The following SOX5 variants were observed in gnomAD, a reference collection of about 807,000 sequenced individuals.
SOX5 encodes the protein SRY-box transcription factor 5.
SOX5 carries 9 observed loss-of-function variants against 92.0 expected under a neutral mutation model. The ratio of observed to expected loss-of-function variants is 0.10; its 90% CI spans 0.06 to 0.17. The LOEUF is 0.17. Among genes scored for constraint, SOX5 ranks in the 10% least tolerant of loss-of-function variants. The pLI, the probability that SOX5 is intolerant of heterozygous loss-of-function variation, is 1.00. For synonymous variants in SOX5, 344 were observed against 336.3 expected, an observed-to-expected ratio of 1.02 and a Z score of -0.25; for missense variants, 642 against 944.5, an observed-to-expected ratio of 0.68 and a Z score of 4.20.
chr12:23,838,178 ATATATT>A (rs1271255213), intron 3 of SOX5, among the ~76,000 whole-genome samples: 3 of 143,580 alleles, frequency 2.1e-5, no homozygotes, highest in East Asian at 4.0e-4. Context: ...TTTATATTAC[ATATATT>A]TATATTTATA....
chr12:24,242,251 G>A (rs987030337), intron 3 of SOX5, among the ~76,000 whole-genome samples: 2 of 152,098 alleles, frequency 1.3e-5, no homozygotes, highest in African/African-American at 4.8e-5. Context: ...ATATAGAAGT[G>A]GAGAAAAATG....
intron 13 of SOX5, among the ~76,000 whole-genome samples, chr12:23,537,977 A>G (rs1443420478): frequency 6.6e-6 from 1 of 151,248 alleles, no homozygotes; most frequent in Non-Finnish European, 1.5e-5. Context: ...TTAAAAATCT[A>G]TTTGCAGATG....
At chr12:24,314,948 T>G (rs1440185489) in intron 2 of SOX5, among the ~76,000 whole-genome samples, 1 of 152,272 alleles carries the variant, frequency 6.6e-6, no homozygotes, top group Non-Finnish European at 1.5e-5. Flanking sequence ...CCTTGATTAT[T>G]AATGCATCTG....
At chr12:24,290,336 G>T (rs10842318) in intron 2 of SOX5, among the ~76,000 whole-genome samples, 18,492 of 152,194 alleles carry the variant, frequency 0.12, 1,432 homozygotes, top group Middle Eastern at 0.26. Flanking sequence ...ATGTTAGGTT[G>T]ATTCCACAAA....
At chr12:23,755,886 C>T (rs2094353319) in intron 3 of SOX5, among the ~76,000 whole-genome samples, 162 bp from the exon 4 acceptor site, 1 of 151,714 alleles carries the variant, frequency 6.6e-6, no homozygotes, top group Admixed American at 6.6e-5. Context: ...AAGAATGTGT[C>T]CTGTCACCTG....
At chr12:24,216,679 T>C (rs1217085081) in intron 3 of SOX5, among the ~76,000 whole-genome samples, 2 of 152,074 alleles carry the variant, frequency 1.3e-5, no homozygotes, top group Non-Finnish European at 2.9e-5. Context: ...TCCCAGCACT[T>C]TGGGAGACCA....
chr12:24,555,919 A>C (rs1953732181), intron 1 of SOX5, among the ~76,000 whole-genome samples: 1 of 152,204 alleles, frequency 6.6e-6, no homozygotes, highest in Non-Finnish European at 1.5e-5. Flanking sequence ...TGGCTCTAGC[A>C]CCACTTAGGC....
intron 4 of SOX5, among the ~76,000 whole-genome samples, chr12:24,210,923 T>C (rs539855302): frequency 6.6e-6 from 1 of 152,334 alleles, no homozygotes; most frequent in South Asian, 2.1e-4. Context: ...AGACTGATCC[T>C]TAAAACATAT....
At chr12:24,343,551 T>C (rs914454710) in intron 2 of SOX5, among the ~76,000 whole-genome samples, 4 of 152,058 alleles carry the variant, frequency 2.6e-5, no homozygotes, top group African/African-American at 9.7e-5. Context: ...ATCTAAGATA[T>C]CTGTGGAACT....
intron 1 of SOX5, among the ~76,000 whole-genome samples, chr12:24,522,610 A>G (rs1029973082): frequency 3.3e-5 from 5 of 152,170 alleles, no homozygotes; most frequent in African/African-American, 1.2e-4. Context: ...GGATGTAAGG[A>G]TGATTCAACA....
intron 2 of SOX5, among the ~76,000 whole-genome samples, chr12:23,852,850 G>C (rs540926779): frequency 6.6e-6 from 1 of 152,114 alleles, no homozygotes; most frequent in South Asian, 2.1e-4. Context: ...AGGAGGTGGA[G>C]CCCAACCAAA....
chr12:23,748,694 G>T (rs781329278), intron 4 of SOX5, among the ~76,000 whole-genome samples: 3 of 151,938 alleles, frequency 2.0e-5, no homozygotes, highest in Non-Finnish European at 4.4e-5. Context: ...TGCCAGGGTG[G>T]TTTGTTTGTT....
chr12:23,634,802 AGGT>A (rs2079009025), intron 8 of SOX5, among the ~76,000 whole-genome samples: 3 of 152,208 alleles, frequency 2.0e-5, no homozygotes, highest in Admixed American at 2.0e-4. Context: ...TCGTTTTAAA[AGGT>A]GATTAATTAA....
intron 1 of SOX5, among the ~76,000 whole-genome samples, chr12:24,542,222 TCCAAGCTTTAGC>T (rs977294308): frequency 5.3e-5 from 8 of 152,110 alleles, no homozygotes; most frequent in Admixed American, 5.2e-4. Context: ...CCCTTAACAG[TCCAAGCTTTAGC>T]CCATTGCAGA....
intron 4 of SOX5, among the ~76,000 whole-genome samples, chr12:24,210,422 C>A (rs1003758778): frequency 2.6e-5 from 4 of 152,194 alleles, no homozygotes; most frequent in Non-Finnish European, 5.9e-5. Context: ...ACTACTCTGT[C>A]TTTCCTGCTC....
intron 4 of SOX5, among the ~76,000 whole-genome samples, chr12:24,206,788 GA>G (rs1958061678): frequency 1.3e-5 from 2 of 152,232 alleles, no homozygotes; most frequent in South Asian, 4.1e-4. Context: ...CTACCCAGCA[GA>G]AGGTCACACT....
chr12:23,781,246 T>C (rs1045939505), intron 3 of SOX5, among the ~76,000 whole-genome samples: 1 of 151,988 alleles, frequency 6.6e-6, no homozygotes, highest in African/African-American at 2.4e-5. Flanking sequence ...AAACCTCTGC[T>C]GTTACCATGG....
At chr12:24,472,528 T>C (rs1318456603) in intron 1 of SOX5, among the ~76,000 whole-genome samples, 1 of 152,298 alleles carries the variant, frequency 6.6e-6, no homozygotes, top group Non-Finnish European at 1.5e-5. Context: ...TTCAATTTTG[T>C]GAACAAAGAA....
At chr12:23,539,395 AT>A (rs1941401958) in intron 13 of SOX5, among the ~76,000 whole-genome samples, 1 of 152,166 alleles carries the variant, frequency 6.6e-6, no homozygotes, top group African/African-American at 2.4e-5. Flanking sequence ...TACAAAATTT[AT>A]TATTTTCCTT....
Sources: gnomAD v4.1 joint callset for allele counts (sites outside exome capture counted in the v4.1 genomes callset) on GRCh38, gnomAD v4.1.1 for gene constraint, MANE v1.5 for transcripts, NCBI Gene and HGNC (gene_info 2026-07-23, HGNC 2026-07-21) for gene names.